Variants in MICALL1 observed in about 807,000 individuals in gnomAD.
MICALL1 encodes the protein MICAL-like protein 1.
MICALL1 carries 61 observed loss-of-function variants against 83.7 expected under a neutral mutation model. That is an observed-to-expected ratio of 0.73 (90% CI 0.59 to 0.90). The LOEUF (loss-of-function observed/expected upper bound fraction) is 0.90. Ranked by LOEUF, MICALL1 falls within the 40% of genes least tolerant of loss-of-function variation. MICALL1 has a pLI of 0.00. For missense variants in MICALL1, 1,066 were observed against 1,152.0 expected, an observed-to-expected ratio of 0.93 and a Z score of 1.08; for synonymous variants, 481 against 473.6, an observed-to-expected ratio of 1.02 and a Z score of -0.20.
chr22:37,906,477 T>C lies in MICALL1; in HGVS notation c.55T>C (p.Tyr19His). 1 of 1,246,502 alleles carries C rather than the reference T, an allele frequency of 8.0e-7. No homozygotes were observed. The highest frequency in any genetic ancestry group is 2.5e-5 in the South Asian group (1 of 39,392). The allele number at this position is 1,246,502 out of a possible 1,614,324, so 77.2% of individuals were successfully genotyped here. Residue 19 changes from tyrosine to histidine, a missense_variant, in exon 1 of 16, where the codon TAC becomes CAC. Coordinates refer to ENST00000215957, the MANE Select transcript of MICALL1 (RefSeq NM_033386.4). The surrounding 1 kb of genome is among the most constrained non-coding windows in gnomAD (Gnocchi z 4.4). Reference sequence around the variant, plus strand: ...CTGGTGCCGCCGCCAGTGCGAGGGCTACCGCGGCGTGGAGATCCGCGACCT... The same window carrying C: ...CTGGTGCCGCCGCCAGTGCGAGGGCCACCGCGGCGTGGAGATCCGCGACCT... ...LAWCRRQCEG[Y>H]RGVEIRDLSS...
In MICALL1 at chr22:37,906,611, TG is replaced by T; in HGVS notation, c.146+47del. On this transcript the variant is annotated intron_variant, in intron 1 of 15. Coordinates refer to ENST00000215957, the MANE Select transcript of MICALL1 (RefSeq NM_033386.4). This position sits in a 1 kb window ranked among gnomAD's most constrained non-coding sequence, Gnocchi z 4.4. ...GGCGAGCGGGCGGCGCGGGGCGGGC[TG>T]GGGCCGCGACCGCCGCCCCCCCTCA... is the stretch of plus-strand genomic sequence containing the variant. 1.8e-6 allele frequency: 2 copies of T among 1,129,250 alleles called. No homozygotes were observed. Among genetic ancestry groups the T allele is most frequent in the East Asian group, 4.5e-5 (1 of 22,002 alleles). The allele number at this position is 1,129,250 out of a possible 1,614,324, so 70.0% of individuals were successfully genotyped here.
intron 3 of MICALL1, among the ~76,000 whole-genome samples, chr22:37,914,030 C>T (rs1317754629): frequency 6.6e-6 from 1 of 151,878 alleles, no homozygotes; most frequent in East Asian, 1.9e-4. Flanking sequence ...CATGCACCAA[C>T]ATGTCCGGCT....
chr22:37,930,763 T>C lies in MICALL1; in HGVS notation c.1882-1036T>C, dbSNP rs1337392376. ...GCCTGGGCTCTGGGTGTGTGGGTACTGGGCTGTGCAGCAGAGGATGAGATC... is the reference window on the plus strand; with the variant it reads ...GCCTGGGCTCTGGGTGTGTGGGTACCGGGCTGTGCAGCAGAGGATGAGATC... On this transcript the variant is annotated intron_variant, in intron 9 of 15. Transcript: ENST00000215957. This position sits in a 1 kb window ranked among gnomAD's most constrained non-coding sequence, Gnocchi z 4.8. Among the ~76,000 whole-genome samples, 1 of 152,202 alleles carries C rather than the reference T, an allele frequency of 6.6e-6. No individual in the cohort carries two copies.
chr22:37,912,035 CTGTGTA>C (rs1928358946), intron 2 of MICALL1, 35 bp downstream of exon 2: 4 of 1,586,406 alleles, frequency 2.5e-6, no homozygotes, highest in African/African-American at 1.5e-5. Context: ...CCAAGAGGCT[CTGTGTA>C]TGTGTGTGTG....
At position 37,937,133 on chromosome 22, in the gene MICALL1, C is replaced by G; in HGVS notation, c.2362C>G (p.Leu788Val). ...CCGGGAGAAGGTGCTGATGCAGGAGCTTGTGACCCTCATTGAGCAGCGCAA... is the reference window on the plus strand; with the variant it reads ...CCGGGAGAAGGTGCTGATGCAGGAGGTTGTGACCCTCATTGAGCAGCGCAA... The part of the protein sequence containing the change: ...RAREKVLMQE[L>V]VTLIEQRNAI... The change falls in exon 14 of 16, where the codon CTT becomes GTT. Residue 788 changes from leucine to valine, a missense_variant. By Grantham distance (32) the Leu-to-Val change is conservative. Transcript: ENST00000215957. 2 of 1,551,316 alleles carry G rather than the reference C, an allele frequency of 1.3e-6. No homozygotes were observed. The highest frequency in any genetic ancestry group is 1.7e-6 in the Non-Finnish European group (2 of 1,146,884).
rs920005671 is a variant in MICALL1, at chr22:37,942,699, C to A, written c.*1869C>A. On this transcript the variant is annotated 3_prime_UTR_variant, in exon 16 of 16. Transcript: ENST00000215957. ...TGTATTTTTAGTAGAGACGGGGTTT[C>A]ACCGTGTTAACCAGGATGGTCTCGA... 1 of 152,204 alleles carries A rather than the reference C, an allele frequency of 6.6e-6. No individual in the cohort carries two copies. The highest frequency in any genetic ancestry group is 2.1e-4 in the South Asian group (1 of 4,832). 9.4% of individuals were successfully genotyped at this position (152,204 alleles called of 1,614,324 possible).
At chr22:37,936,891 CA>C (rs1007404284) in intron 13 of MICALL1, among the ~76,000 whole-genome samples, 188 bp from the exon 14 acceptor site, 14 of 119,612 alleles carry the variant, frequency 1.2e-4, no homozygotes, top group South Asian at 5.2e-4. Flanking sequence ...GACTCCGTCT[CA>C]AAAAAAAAAA....
intron 13 of MICALL1, among the ~76,000 whole-genome samples, chr22:37,935,293 C>T (rs988971532): frequency 1.3e-5 from 2 of 151,260 alleles, no homozygotes; most frequent in African/African-American, 2.4e-5. Context: ...CAGAGTCTCG[C>T]TCTGTCGCCT....
rs529910202 is a variant in MICALL1 at position 37,918,316 on chromosome 22, G to T, written c.426+521G>T. Reference sequence around the variant, plus strand: ...AAGGTTACTTAGTAAGGAAGTGGGGGCCAACTGCCAGTCACCTGTTTGAAG... The same window carrying T: ...AAGGTTACTTAGTAAGGAAGTGGGGTCCAACTGCCAGTCACCTGTTTGAAG... On this transcript the variant is annotated intron_variant, in intron 4 of 15. Transcript: ENST00000215957. Among the ~76,000 whole-genome samples the T allele has an allele frequency of 3.7e-3, 564 of 152,312 alleles. 2 individuals carry two copies. The highest frequency in any genetic ancestry group is 0.014 in the Middle Eastern group (4 of 294).
At position 37,925,646 on chromosome 22, in the gene MICALL1, TC is replaced by T. The variant is rs745588368; in HGVS notation, c.1083-9del. ...GCCTCTGCTAATGGTTTCTGCTGCT[TC>T]CCCCCTCCTCCAGGACACCAGCCCC... is the stretch of plus-strand genomic sequence containing the variant. On this transcript the variant is annotated splice_polypyrimidine_tract_variant and intron_variant, in intron 7 of 15. Transcript: ENST00000215957. 16 of 1,581,956 alleles carry T rather than the reference TC, an allele frequency of 1.0e-5. No homozygotes were observed. The highest frequency in any genetic ancestry group is 9.5e-5 in the African/African-American group (7 of 73,528).
chr22:37,925,728 GC>G lies in MICALL1; in HGVS notation c.1154del (p.Pro385HisfsTer182), dbSNP rs1481196958. On this transcript the variant is annotated frameshift_variant, in exon 8 of 16. Coordinates refer to ENST00000215957, the MANE Select transcript of MICALL1 (RefSeq NM_033386.4). LOFTEE classifies it high-confidence loss of function. ...GCAGGCAGAACCAAAGAAGAAGCCA[GC>G]CCCACTTCCCCCAAGCAGCAGCCCG... ...LVQAEPKKKP[A>X]PLPPSSSPGP... 5 of 1,611,552 alleles carry G rather than the reference GC, an allele frequency of 3.1e-6. No homozygotes were observed. Among genetic ancestry groups the G allele is most frequent in the Non-Finnish European group, 4.2e-6 (5 of 1,179,702 alleles).
chr22:37,927,628 C>G lies in MICALL1; in HGVS notation c.1683C>G (p.Ala561=), dbSNP rs554001124. The G allele has an allele frequency of 6.2e-7, 1 of 1,614,064 alleles. No individual in the cohort carries two copies. Among genetic ancestry groups the G allele is most frequent in the Non-Finnish European group, 8.5e-7 (1 of 1,179,928 alleles). ...PVSLSTNSSL[A]SSGELVEPRV... ...GCCTCTCTACCAACTCCTCCCTGGCCTCCTCTGGGGAACTAGTGGAGCCTA... is the reference window on the plus strand; with the variant it reads ...GCCTCTCTACCAACTCCTCCCTGGCGTCCTCTGGGGAACTAGTGGAGCCTA... The change falls in exon 9 of 16, where the codon GCC becomes GCG. Residue 561 remains alanine, a synonymous_variant. Transcript: ENST00000215957.
rs1037026178 is a variant in MICALL1 at position 37,932,439 on chromosome 22, G to C, written c.2017-114G>C. 5 of 1,494,246 alleles carry C rather than the reference G, an allele frequency of 3.3e-6. No individual in the cohort carries two copies. The South Asian group carries it at 3.9e-5, about 12-fold the overall frequency. The allele number at this position is 1,494,246 out of a possible 1,614,324, so 92.6% of individuals were successfully genotyped here. On this transcript the variant is annotated intron_variant, in intron 10 of 15. Transcript: ENST00000215957. The surrounding 1 kb of genome is among the most constrained non-coding windows in gnomAD (Gnocchi z 4.4). ...CCCTGCCTTCTTACCATGCTGGGGT[G>C]GGGGACAGGGCCCGGGCCCTGGAGC...
intron 9 of MICALL1, among the ~76,000 whole-genome samples, chr22:37,928,774 C>T (rs537460029): frequency 1.6e-4 from 25 of 152,276 alleles, no homozygotes; most frequent in South Asian, 1.2e-3. Flanking sequence ...ATTGTCTGTC[C>T]GCTCTTCCAT....
Position 37,911,901 on chromosome 22 carries a change from T to A in MICALL1, c.147-51T>A, listed in dbSNP as rs774012260. Reference sequence around the variant, plus strand: ...TTTCTGACTCTGACCCCGCCCCTATTTCCCAGTCACCTCCCCTCTTGACCA... The same window carrying A: ...TTTCTGACTCTGACCCCGCCCCTATATCCCAGTCACCTCCCCTCTTGACCA... On this transcript the variant is annotated intron_variant, in intron 1 of 15. Transcript: ENST00000215957. 18 of 1,591,262 alleles carry A rather than the reference T, an allele frequency of 1.1e-5. 1 individual carries two copies. In the South Asian group the frequency reaches 2.0e-4, roughly 18 times the overall value.
At chr22:37,937,469 G>A (rs1000536695) in intron 14 of MICALL1, among the ~76,000 whole-genome samples, 6 of 141,630 alleles carry the variant, frequency 4.2e-5, no homozygotes, top group Non-Finnish European at 6.1e-5. Context: ...TGTTGCCCAG[G>A]CTGGAGTGCA....
intron 4 of MICALL1, 144 bp from the exon 5 acceptor site, chr22:37,918,892 C>A: frequency 2.9e-6 from 3 of 1,029,848 alleles, no homozygotes; most frequent in Non-Finnish European, 4.0e-6. Flanking sequence ...CCTCCTGGGG[C>A]CCTGATGAAG....
intron 1 of MICALL1, among the ~76,000 whole-genome samples, chr22:37,911,069 CGGCCT>C (rs1274031363): frequency 6.6e-6 from 1 of 152,058 alleles, no homozygotes; most frequent in Non-Finnish European, 1.5e-5. Flanking sequence ...CTGGTTTCAG[CGGCCT>C]GGAGTGGGGA....
chr22:37,940,663 A>AC (rs778158066), intron 15 of MICALL1, 46 bp from the exon 16 acceptor site: 64 of 1,607,746 alleles, frequency 4.0e-5, no homozygotes, highest in Non-Finnish European at 4.9e-5. Context: ...CCCTGGATGT[A>AC]CCCCTCTTCT....
Sources: gnomAD v4.1 joint callset for allele counts (sites outside exome capture counted in the v4.1 genomes callset) on GRCh38, gnomAD v4.1.1 for gene constraint, Gnocchi (gnomAD v3.1) non-coding constraint, MANE v1.5 for transcripts, NCBI Gene and HGNC (gene_info 2026-07-23, HGNC 2026-07-21) for gene names.